Variants in KIFAP3 observed in about 807,000 individuals in gnomAD.
The protein encoded by KIFAP3 is kinesin-associated protein 3.
A neutral mutation model predicts 106.5 loss-of-function variants in KIFAP3; 68 were observed. The observed-to-expected ratio is 0.64, with a 90% CI of 0.53 to 0.78. The LOEUF is 0.78. KIFAP3 is among the 30% of genes least tolerant of loss of function. The probability of loss-of-function intolerance (pLI) is 0.00; values close to 1 mark genes in which losing one functional copy is unlikely to be tolerated. For synonymous variants in KIFAP3, 320 were observed against 311.5 expected (o/e 1.03, Z -0.29); for missense variants, 780 against 941.8 (o/e 0.83, Z 2.25).
intron 1 of KIFAP3, among the ~76,000 whole-genome samples, chr1:170,072,231 T>C (rs1671740572): frequency 6.6e-6 from 1 of 152,218 alleles, no homozygotes; most frequent in Non-Finnish European, 1.5e-5. Flanking sequence ...TATTTCTTTC[T>C]AGTCTTATTC....
intron 1 of KIFAP3, among the ~76,000 whole-genome samples, chr1:170,057,436 A>G (rs1419671294): frequency 1.3e-5 from 2 of 152,130 alleles, no homozygotes; most frequent in African/African-American, 4.8e-5. Flanking sequence ...CACAAAATCA[A>G]CTTATGTTTA....
intron 10 of KIFAP3, among the ~76,000 whole-genome samples, chr1:170,014,918 T>C (rs1668430078): frequency 6.6e-6 from 1 of 152,164 alleles, no homozygotes; most frequent in African/African-American, 2.4e-5. Context: ...ATATAGTTAT[T>C]ACCCTCATTT....
chr1:169,994,233 C>G (rs1196594111), intron 10 of KIFAP3, among the ~76,000 whole-genome samples: 1 of 152,184 alleles, frequency 6.6e-6, no homozygotes, highest in African/African-American at 2.4e-5. Context: ...ACAGCCTTGT[C>G]AGTGGTTGAG....
At chr1:170,043,371 T>C (rs953849559) in intron 3 of KIFAP3, among the ~76,000 whole-genome samples, 2 of 152,162 alleles carry the variant, frequency 1.3e-5, no homozygotes, top group Admixed American at 6.5e-5. Flanking sequence ...CTTAGCCTAA[T>C]GAACTGGATA....
chr1:170,002,837 C>T (rs1398835528), intron 10 of KIFAP3, among the ~76,000 whole-genome samples: 2 of 152,136 alleles, frequency 1.3e-5, no homozygotes, highest in Non-Finnish European at 2.9e-5. Flanking sequence ...CTATTGGTAA[C>T]ACTACTAATT....
At chr1:170,031,193 A>G (rs1028312014) in intron 8 of KIFAP3, among the ~76,000 whole-genome samples, 2 of 151,784 alleles carry the variant, frequency 1.3e-5, no homozygotes, top group African/African-American at 4.8e-5. Context: ...CATTTTCTCC[A>G]ACAGGTTGAA....
At chr1:170,063,815 T>C (rs1016955160) in intron 1 of KIFAP3, among the ~76,000 whole-genome samples, 2 of 152,200 alleles carry the variant, frequency 1.3e-5, no homozygotes, top group African/African-American at 4.8e-5. Flanking sequence ...AATTTAAAAT[T>C]GTGTTTCAAA....
intron 1 of KIFAP3, among the ~76,000 whole-genome samples, chr1:170,059,966 G>A (rs1671052161): frequency 6.6e-6 from 1 of 152,022 alleles, no homozygotes; most frequent in Admixed American, 6.6e-5. Context: ...AAATTCAACA[G>A]CCCTTCATGC....
intron 18 of KIFAP3, among the ~76,000 whole-genome samples, chr1:169,960,741 C>A (rs187307233): frequency 6.6e-6 from 1 of 151,840 alleles, no homozygotes. Context: ...CATTTTTGAA[C>A]GGAAGTCAGA....
intron 16 of KIFAP3, among the ~76,000 whole-genome samples, chr1:169,977,500 C>A (rs1227173378): frequency 6.6e-6 from 1 of 151,902 alleles, no homozygotes; most frequent in Non-Finnish European, 1.5e-5. Flanking sequence ...CTCATTGTAT[C>A]CTAGGGAGGT....
chr1:169,998,383 TA>T lies in KIFAP3; in HGVS notation c.1184-6129del, dbSNP rs1457398875. Reference sequence around the variant, plus strand: ...GGACTACAACTAGTGCTTCACCAGATATATATATATATATATACACACACAC... The same window carrying T: ...GGACTACAACTAGTGCTTCACCAGATTATATATATATATATACACACACAC... On this transcript the variant is annotated intron_variant, in intron 10 of 19. Transcript: ENST00000361580. 1.0e-3 allele frequency among the ~76,000 whole-genome samples: 11 copies of T among 10,602 alleles called. No homozygotes were observed. The East Asian group carries it at 0.024, about 23-fold the overall frequency. The allele number at this position is 10,602 out of a possible 152,430, so 7.0% of individuals were successfully genotyped here.
chr1:169,966,484 A>C (rs1305063130), intron 17 of KIFAP3, among the ~76,000 whole-genome samples: 3 of 127,174 alleles, frequency 2.4e-5, no homozygotes, highest in African/African-American at 5.9e-5. Flanking sequence ...AAAAAAAAAA[A>C]CCTTGGCTTA....
At chr1:170,000,766 T>G (rs937026363) in intron 10 of KIFAP3, among the ~76,000 whole-genome samples, 2 of 152,274 alleles carry the variant, frequency 1.3e-5, no homozygotes, top group East Asian at 3.9e-4. Context: ...ATCTCTTTTA[T>G]AATATATTTG....
intron 17 of KIFAP3, among the ~76,000 whole-genome samples, chr1:169,965,013 G>A (rs1665533560): frequency 6.6e-6 from 1 of 151,938 alleles, no homozygotes; most frequent in African/African-American, 2.4e-5. Flanking sequence ...TATCCATTAG[G>A]GTAAGACATT....
At chr1:169,924,061 G>T (rs1164378828) in intron 19 of KIFAP3, among the ~76,000 whole-genome samples, 2 of 152,076 alleles carry the variant, frequency 1.3e-5, no homozygotes, top group Non-Finnish European at 2.9e-5. Context: ...TTGCCAACAG[G>T]TTAAATAATA....
intron 9 of KIFAP3, among the ~76,000 whole-genome samples, chr1:170,022,105 A>G (rs896757952): frequency 6.6e-6 from 1 of 151,592 alleles, no homozygotes; most frequent in Non-Finnish European, 1.5e-5. Context: ...ATGTGCCACC[A>G]TGCCCAGCTA....
upstream of KIFAP3, among the ~76,000 whole-genome samples, chr1:170,079,357 A>G (rs1171980862): frequency 6.6e-6 from 1 of 152,216 alleles, no homozygotes; most frequent in African/African-American, 2.4e-5. Flanking sequence ...TACAGCCTGA[A>G]GAACAATGAA....
At chr1:170,012,270 G>A (rs946150052) in intron 10 of KIFAP3, among the ~76,000 whole-genome samples, 1 of 152,054 alleles carries the variant, frequency 6.6e-6, no homozygotes, top group African/African-American at 2.4e-5. Context: ...AAAATACATG[G>A]CGTTCTGGGG....
intron 10 of KIFAP3, among the ~76,000 whole-genome samples, chr1:169,997,961 C>G (rs7517490): frequency 0.26 from 38,854 of 149,188 alleles, 6,006 homozygotes; most frequent in East Asian, 0.5. Flanking sequence ...ATACCTGAGG[C>G]TCTACTCAGT....
Sources: gnomAD v4.1 joint callset for allele counts (sites outside exome capture counted in the v4.1 genomes callset) on GRCh38, gnomAD v4.1.1 for gene constraint, MANE v1.5 for transcripts, NCBI Gene and HGNC (gene_info 2026-07-23, HGNC 2026-07-21) for gene names.